Variants in RAB27B observed in about 807,000 individuals in gnomAD.
RAB27B encodes RAB27B, member RAS oncogene family.
In RAB27B, 15 loss-of-function variants were observed where a neutral mutation model predicts 24.6. The observed-to-expected ratio is 0.61, with a 90% CI of 0.41 to 0.94. The LOEUF (loss-of-function observed/expected upper bound fraction) is 0.94, where lower values mean the gene tolerates loss of function less well. Ranked by LOEUF, RAB27B falls within the 40% of genes least tolerant of loss-of-function variation. The pLI, the probability that RAB27B is intolerant of heterozygous loss-of-function variation, is 0.00. For synonymous variants in RAB27B, 105 were observed against 92.5 expected (o/e 1.14, Z -0.78); for missense variants, 261 against 266.8 (o/e 0.98, Z 0.15).
rs148550063 is a variant in RAB27B at position 54,869,378 on chromosome 18, C to A, written c.-19-8189C>A. Among the ~76,000 whole-genome samples the A allele has an allele frequency of 2.9e-3, 446 of 152,322 alleles. 3 individuals are homozygous for A. The highest frequency in any genetic ancestry group is 0.01 in the African/African-American group (432 of 41,572). On this transcript the variant is annotated intron_variant, in intron 1 of 5. Transcript: ENST00000262094. ...AAATGTCTTAGATCATGGAAAAGTC[C>A]TTTCCCAACACTGATTATAAAACAT... is the stretch of plus-strand genomic sequence containing the variant.
At chr18:54,855,221 G>A (rs140527390) in intron 1 of RAB27B, among the ~76,000 whole-genome samples, 221 of 152,256 alleles carry the variant, frequency 1.5e-3, no homozygotes, top group African/African-American at 4.8e-3. Context: ...GACAGGAGGT[G>A]GAGCTCAGAC....
At chr18:54,888,789 A>C (rs1913248514) in intron 5 of RAB27B, among the ~76,000 whole-genome samples, 1 of 152,172 alleles carries the variant, frequency 6.6e-6, no homozygotes, top group Non-Finnish European at 1.5e-5. Flanking sequence ...TTTAAATCCA[A>C]ATAAACATTG....
chr18:54,817,868 CTT>C (rs1158860638), intron 2 of RAB27B, among the ~76,000 whole-genome samples: 1 of 151,864 alleles, frequency 6.6e-6, no homozygotes, highest in East Asian at 2.0e-4. Context: ...GATATATTCT[CTT>C]GAGTTGTGTT....
chr18:54,718,585 G>C (rs1482501725), intron 2 of RAB27B, among the ~76,000 whole-genome samples: 1 of 152,168 alleles, frequency 6.6e-6, no homozygotes, highest in Admixed American at 6.5e-5. Flanking sequence ...GCCCCACAGT[G>C]TAAAGCCACT....
At chr18:54,875,706 A>G (rs1334478628) in intron 1 of RAB27B, among the ~76,000 whole-genome samples, 1 of 152,228 alleles carries the variant, frequency 6.6e-6, no homozygotes, top group African/African-American at 2.4e-5. Flanking sequence ...AAAGAAACAT[A>G]CATTCATAAT....
chr18:54,800,156 G>T (rs1282573867), intron 2 of RAB27B, among the ~76,000 whole-genome samples: 1 of 152,054 alleles, frequency 6.6e-6, no homozygotes, highest in African/African-American at 2.4e-5. Flanking sequence ...ATATAGATTT[G>T]TTCATTCCCT....
intron 1 of RAB27B, among the ~76,000 whole-genome samples, chr18:54,868,142 G>A (rs1469872591): frequency 2.0e-5 from 3 of 152,116 alleles, no homozygotes; most frequent in South Asian, 2.1e-4. Flanking sequence ...AAAAGTGGGA[G>A]AGATGCTAAG....
Position 54,891,032 on chromosome 18 carries a change from T to G in RAB27B, c.*1619T>G, listed in dbSNP as rs1913347128. On this transcript the variant is annotated 3_prime_UTR_variant, in exon 6 of 6. Transcript: ENST00000262094. ...TATGATTTTTTGACAGGCTGTTTCC[T>G]CGTCGTATAGATTTTTTCCAATCAA... 1 of 151,796 alleles carries G rather than the reference T, an allele frequency of 6.6e-6. No homozygotes were observed. 9.4% of individuals were successfully genotyped at this position (151,796 alleles called of 1,614,324 possible). A position where few individuals can be genotyped will look rare whatever the true frequency, so the allele number is the denominator to read the frequency against.
rs756942373 is a variant in RAB27B at position 54,893,211 on chromosome 18, A to G, written c.*3798A>G. 1.5e-4 allele frequency: 23 copies of G among 152,070 alleles called. No individual in the cohort carries two copies. The highest frequency in any genetic ancestry group is 2.6e-4 in the Non-Finnish European group (18 of 67,958). 9.4% of individuals were successfully genotyped at this position (152,070 alleles called of 1,614,324 possible). On this transcript the variant is annotated 3_prime_UTR_variant, in exon 6 of 6. Coordinates refer to ENST00000262094, the MANE Select transcript of RAB27B (RefSeq NM_004163.4). ...ATACACAATTCTTTCCTCATTGCAT[A>G]TTACACCAAACGTTTGAGGGAAAAA...
intron 2 of RAB27B, among the ~76,000 whole-genome samples, chr18:54,768,290 A>G (rs769116618): frequency 7.2e-5 from 11 of 152,294 alleles, no homozygotes; most frequent in Middle Eastern, 3.4e-3. Flanking sequence ...TGTAAAATGT[A>G]GCGATATGTG....
intron 2 of RAB27B, among the ~76,000 whole-genome samples, chr18:54,764,265 A>G (rs555444679): frequency 6.6e-6 from 1 of 152,182 alleles, no homozygotes; most frequent in Non-Finnish European, 1.5e-5. Flanking sequence ...TTCTCAAGGA[A>G]TAAGTATTGT....
chr18:54,850,339 T>C (rs866905815), intron 1 of RAB27B, among the ~76,000 whole-genome samples: 4,997 of 119,440 alleles, frequency 0.042, 481 homozygotes, highest in Non-Finnish European at 0.056. Flanking sequence ...ACAGGATATA[T>C]ATATATATAT....
At chr18:54,820,077 C>T (rs1479916669) in intron 2 of RAB27B, among the ~76,000 whole-genome samples, 1 of 152,122 alleles carries the variant, frequency 6.6e-6, no homozygotes, top group African/African-American at 2.4e-5. Context: ...CTGCGATAAA[C>T]ATACGTGTGC....
chr18:54,888,106 C>G lies in RAB27B; in HGVS notation c.455C>G (p.Ala152Gly), dbSNP rs776035357. 1.7e-5 allele frequency: 28 copies of G among 1,612,456 alleles called. No homozygotes were observed. Among genetic ancestry groups the G allele is most frequent in the Non-Finnish European group, 2.4e-5 (28 of 1,179,098 alleles). ...AATGAACGGCAAGCTCGGGAACTGG[C>G]TGACAAATATGGGTAAGTCAGTTAC... is the stretch of plus-strand genomic sequence containing the variant. ...EVNERQARELADKYGIPYFET... is the reference protein window; with the variant it reads ...EVNERQARELGDKYGIPYFET... The change falls in exon 5 of 6, where the codon GCT (alanine) becomes GGT (glycine). Residue 152 changes from alanine (A) to glycine (G), a missense_variant. Coordinates refer to ENST00000262094, the MANE Select transcript of RAB27B (RefSeq NM_004163.4).
intron 2 of RAB27B, among the ~76,000 whole-genome samples, chr18:54,740,195 A>T (rs1910031104): frequency 6.6e-6 from 1 of 152,146 alleles, no homozygotes; most frequent in Admixed American, 6.5e-5. Flanking sequence ...TTGATTCTGG[A>T]TAAGGCAGTA....
intron 1 of RAB27B, among the ~76,000 whole-genome samples, chr18:54,857,938 TTTAG>T (rs1356572337): frequency 5.9e-4 from 90 of 152,362 alleles, no homozygotes; most frequent in African/African-American, 2.0e-3. Flanking sequence ...GCATCTTCTC[TTTAG>T]TTAGATTTAT....
chr18:54,850,241 G>A (rs1209628991), intron 1 of RAB27B, among the ~76,000 whole-genome samples: 2 of 149,126 alleles, frequency 1.3e-5, no homozygotes, highest in African/African-American at 4.9e-5. Flanking sequence ...AATTATATTT[G>A]CATATATGTA....
chr18:54,823,522 C>A (rs898292282), upstream of RAB27B, among the ~76,000 whole-genome samples: 10 of 152,136 alleles, frequency 6.6e-5, no homozygotes, highest in African/African-American at 2.2e-4. Context: ...GAGAAGAAAC[C>A]AAATATATTT....
intron 3 of RAB27B, among the ~76,000 whole-genome samples, chr18:54,883,341 T>C (rs778504091): frequency 2.0e-5 from 3 of 152,208 alleles, no homozygotes; most frequent in Non-Finnish European, 4.4e-5. Context: ...GGGTCAAGAA[T>C]AGACCTCTGA....
Sources: allele counts gnomAD v4.1 joint callset (sites outside exome capture counted in the v4.1 genomes callset), GRCh38; gene constraint gnomAD v4.1.1; transcripts MANE v1.5; gene names NCBI Gene and HGNC (gene_info 2026-07-23, HGNC 2026-07-21).